Variants in LRRTM4 observed in about 807,000 individuals in gnomAD.
LRRTM4 encodes leucine-rich repeat transmembrane neuronal protein 4.
LRRTM4 carries 25 observed loss-of-function variants against 47.6 expected under a neutral mutation model. The observed-to-expected ratio is 0.53, with a 90% CI of 0.38 to 0.73. The LOEUF is 0.73. Ranked by LOEUF, LRRTM4 falls within the 30% of genes least tolerant of loss-of-function variation. The probability of loss-of-function intolerance (pLI) is 0.00; values close to 1 mark genes in which losing one functional copy is unlikely to be tolerated. For synonymous variants in LRRTM4, 311 were observed against 269.5 expected (o/e 1.15, Z -1.51); for missense variants, 638 against 713.4 (o/e 0.89, Z 1.20).
intron 3 of LRRTM4, among the ~76,000 whole-genome samples, chr2:77,314,904 C>G (rs1157629941): frequency 6.6e-6 from 1 of 152,154 alleles, no homozygotes; most frequent in Non-Finnish European, 1.5e-5. Flanking sequence ...GCCAGGCAAT[C>G]ACGAGGGTAA....
At chr2:77,073,295 T>C (rs1680222754) in intron 3 of LRRTM4, among the ~76,000 whole-genome samples, 2 of 152,236 alleles carry the variant, frequency 1.3e-5, no homozygotes, top group South Asian at 2.1e-4. Context: ...TTATCACATA[T>C]ACTTATTGGA....
At chr2:77,119,954 C>G (rs1210486505) in intron 3 of LRRTM4, among the ~76,000 whole-genome samples, 1 of 151,752 alleles carries the variant, frequency 6.6e-6, no homozygotes, top group Non-Finnish European at 1.5e-5. Flanking sequence ...ACATAACCCT[C>G]TGAGTCTCAA....
At chr2:76,938,049 A>G (rs901864441) in intron 3 of LRRTM4, among the ~76,000 whole-genome samples, 1 of 152,234 alleles carries the variant, frequency 6.6e-6, no homozygotes, top group Non-Finnish European at 1.5e-5. Context: ...CCAGTATTTT[A>G]AGAATTATCA....
At chr2:76,898,471 T>TGA (rs1673498725) in intron 3 of LRRTM4, among the ~76,000 whole-genome samples, 1 of 147,022 alleles carries the variant, frequency 6.8e-6, no homozygotes, top group Admixed American at 7.1e-5. Flanking sequence ...GAGAATCGCT[T>TGA]GAACCCAGGA....
chr2:76,756,780 G>A lies in LRRTM4; in HGVS notation c.1552-7864C>T, dbSNP rs534969231. ...GAGAAGCTATAATAGAGAAAAATCT[G>A]CAGAAATAAGAAAAATTCCAGAATT... On this transcript the variant is annotated intron_variant, in intron 3 of 3. Transcript: ENST00000409884. 8.2e-4 allele frequency among the ~76,000 whole-genome samples: 125 copies of A among 152,162 alleles called. 1 individual carries two copies. Among genetic ancestry groups the A allele is most frequent in the Middle Eastern group, 6.8e-3 (2 of 294 alleles).
chr2:77,191,150 T>G (rs1673659184), intron 3 of LRRTM4, among the ~76,000 whole-genome samples: 1 of 152,072 alleles, frequency 6.6e-6, no homozygotes, highest in South Asian at 2.1e-4. Context: ...TCAGTAAACT[T>G]TCAAATGTAC....
chr2:76,829,325 G>T (rs1671270397), intron 3 of LRRTM4, among the ~76,000 whole-genome samples: 1 of 151,922 alleles, frequency 6.6e-6, no homozygotes, highest in African/African-American at 2.4e-5. Flanking sequence ...AGGAAAAAAA[G>T]GGGAGGAGAT....
Position 77,287,041 on chromosome 2 carries a change from G to A in LRRTM4, c.1551+231277C>T, listed in dbSNP as rs556300148. Among the ~76,000 whole-genome samples, 22 of 152,134 alleles carry A rather than the reference G, an allele frequency of 1.4e-4. 1 individual carries two copies. The South Asian group carries it at 4.6e-3, about 32-fold the overall frequency. On this transcript the variant is annotated intron_variant, in intron 3 of 3. Transcript: ENST00000409884. Reference sequence around the variant, plus strand: ...TGTGTTTGCACAAATGGGGAGAGTAGATAGGAAAAATATAAAATAATGATA... The same window carrying A: ...TGTGTTTGCACAAATGGGGAGAGTAAATAGGAAAAATATAAAATAATGATA...
intron 3 of LRRTM4, among the ~76,000 whole-genome samples, chr2:76,793,913 G>C (rs1675115565): frequency 6.6e-6 from 1 of 152,114 alleles, no homozygotes; most frequent in South Asian, 2.1e-4. Flanking sequence ...GACAGTAATT[G>C]CTTCTATGGG....
At chr2:77,504,966 A>G (rs1678712924) in intron 3 of LRRTM4, among the ~76,000 whole-genome samples, 1 of 151,418 alleles carries the variant, frequency 6.6e-6, no homozygotes, top group African/African-American at 2.4e-5. Flanking sequence ...ATTTTCATGA[A>G]TAGTTTATAC....
chr2:77,352,878 T>A (rs577936363), intron 3 of LRRTM4, among the ~76,000 whole-genome samples: 1 of 152,154 alleles, frequency 6.6e-6, no homozygotes. Flanking sequence ...AGAAGCCTAA[T>A]TGGTAATATT....
At chr2:77,391,782 A>T (rs75606948) in intron 3 of LRRTM4, among the ~76,000 whole-genome samples, 2,518 of 152,078 alleles carry the variant, frequency 0.017, 58 homozygotes, top group African/African-American at 0.052. Context: ...TGGGGAGGTG[A>T]GACATGCCTC....
intron 3 of LRRTM4, among the ~76,000 whole-genome samples, chr2:77,228,407 A>G (rs1458418639): frequency 6.6e-6 from 1 of 152,118 alleles, no homozygotes; most frequent in Admixed American, 6.6e-5. Context: ...TCAGCAAAGG[A>G]ATGGGTTTGG....
intron 3 of LRRTM4, among the ~76,000 whole-genome samples, chr2:77,035,677 A>G (rs761737241): frequency 1.3e-5 from 2 of 151,870 alleles, no homozygotes; most frequent in African/African-American, 4.8e-5. Flanking sequence ...CACTCAGCAT[A>G]ATTCTCTGGA....
intron 3 of LRRTM4, among the ~76,000 whole-genome samples, chr2:77,352,104 T>G (rs534845193): frequency 3.3e-5 from 5 of 152,274 alleles, no homozygotes; most frequent in South Asian, 2.1e-4. Context: ...TGAGGGAAGA[T>G]TCTATTATTA....
chr2:76,801,693 TC>T (rs1427254020), intron 3 of LRRTM4, among the ~76,000 whole-genome samples: 1 of 151,814 alleles, frequency 6.6e-6, no homozygotes, highest in African/African-American at 2.4e-5. Context: ...CAGGTTAACA[TC>T]CCTGGTGAAC....
At chr2:77,260,029 G>C (rs1299253245) in intron 3 of LRRTM4, among the ~76,000 whole-genome samples, 2 of 151,946 alleles carry the variant, frequency 1.3e-5, no homozygotes, top group Non-Finnish European at 2.9e-5. Context: ...AGTGTCAGGA[G>C]GTTTTAGATG....
intron 3 of LRRTM4, among the ~76,000 whole-genome samples, chr2:77,237,334 CA>C (rs1558647342): frequency 1.3e-5 from 2 of 151,970 alleles, no homozygotes; most frequent in African/African-American, 4.8e-5. Flanking sequence ...AGTTTGTATA[CA>C]AAGAAGTATT....
chr2:77,181,154 A>AAG (rs1441914056), intron 3 of LRRTM4, among the ~76,000 whole-genome samples: 3 of 152,204 alleles, frequency 2.0e-5, no homozygotes, highest in African/African-American at 7.2e-5. Context: ...TCTGTAAACA[A>AAG]TACTACAGGT....
Sources: gnomAD v4.1 joint callset for allele counts (sites outside exome capture counted in the v4.1 genomes callset) on GRCh38, gnomAD v4.1.1 for gene constraint, MANE v1.5 for transcripts, NCBI Gene and HGNC (gene_info 2026-07-23, HGNC 2026-07-21) for gene names.